Variants in PABPC4L observed in about 807,000 individuals in gnomAD.
PABPC4L encodes the protein polyadenylate-binding protein 4-like.
For missense variants in PABPC4L, 452 were observed against 451.4 expected (o/e 1.00, Z -0.01); for synonymous variants, 169 against 164.1 (o/e 1.03, Z -0.23).
At chr4:134,067,434 C>G in the PABPC4L span, among the ~76,000 whole-genome samples, 2 of 152,108 alleles carry the variant, frequency 1.3e-5, no homozygotes, top group Non-Finnish European at 2.9e-5. Flanking sequence ...CTTTATTAGA[C>G]TAGCTAATGG....
At chr4:133,988,132 A>T in the PABPC4L span, among the ~76,000 whole-genome samples, 1 of 152,148 alleles carries the variant, frequency 6.6e-6, no homozygotes, top group Non-Finnish European at 1.5e-5. Flanking sequence ...TGGTAACTAC[A>T]CAATTCAAGA....
chr4:134,004,051 T>G, the PABPC4L span, among the ~76,000 whole-genome samples: 1 of 151,862 alleles, frequency 6.6e-6, no homozygotes, highest in African/African-American at 2.4e-5. Context: ...GCCAAAAACA[T>G]AAGGAGAAAC....
At position 134,200,233 on chromosome 4, in the gene PABPC4L, C is replaced by G. The variant is rs1285337946; in HGVS notation, c.787G>C (p.Gly263Arg). ...RDINGQLIFV[G>R]RAQKKVERQA... The stretch of plus-strand genomic sequence containing the variant: ...CGCTCGACTTTCTTTTGAGCCCGGC[C>G]TACAAAAATCAGCTGCCCATTTATG... Residue 263 changes from glycine (G) to arginine (R), a missense_variant, in exon 2 of 2, where the codon GGC (glycine) becomes CGC (arginine). Gly to Arg is a moderately radical substitution (Grantham distance 125). Transcript: ENST00000421491. The G allele has an allele frequency of 1.9e-6, 3 of 1,552,390 alleles. No homozygotes were observed. The highest frequency in any genetic ancestry group is 2.4e-5 in the East Asian group (1 of 40,948).
downstream of PABPC4L, among the ~76,000 whole-genome samples, chr4:134,191,891 A>G (rs1277473151): frequency 1.3e-5 from 2 of 152,110 alleles, no homozygotes; most frequent in African/African-American, 2.4e-5. Flanking sequence ...GGAATGGTAA[A>G]GATTACATCA....
the PABPC4L span, among the ~76,000 whole-genome samples, chr4:134,131,714 C>CAAAAAA: frequency 4.1e-3 from 44 of 10,676 alleles, 16 homozygotes; most frequent in African/African-American, 0.015. Flanking sequence ...CCTGTGAAAC[C>CAAAAAA]AAAAAAAAAA....
At position 134,196,781 on chromosome 4, in the gene PABPC4L, C is replaced by G. The variant is rs1729671959; in HGVS notation, c.*3126G>C. The G allele has an allele frequency of 6.7e-6, 1 of 149,708 alleles. No individual in the cohort carries two copies. Among genetic ancestry groups the G allele is most frequent in the African/African-American group, 2.5e-5 (1 of 40,802 alleles). The allele number at this position is 149,708 out of a possible 1,614,324, so 9.3% of individuals were successfully genotyped here. On this transcript the variant is annotated 3_prime_UTR_variant, in exon 2 of 2. Transcript: ENST00000421491. ...TGAACAAAATTTAAATAAATTAAATCCATAGGATTGTATATTTTTGTAAAC... is the reference window on the plus strand; with the variant it reads ...TGAACAAAATTTAAATAAATTAAATGCATAGGATTGTATATTTTTGTAAAC...
the PABPC4L span, among the ~76,000 whole-genome samples, chr4:134,120,355 A>C: frequency 1.4e-5 from 2 of 147,002 alleles, no homozygotes; most frequent in Admixed American, 1.4e-4. Flanking sequence ...ATAGGCTATT[A>C]TTGATAATTA....
At chr4:134,142,011 A>G in the PABPC4L span, among the ~76,000 whole-genome samples, 2 of 151,750 alleles carry the variant, frequency 1.3e-5, no homozygotes, top group Non-Finnish European at 3.0e-5. Context: ...AAGATACACA[A>G]TATGGATTGA....
chr4:134,082,805 G>GA, the PABPC4L span, among the ~76,000 whole-genome samples: 13 of 148,848 alleles, frequency 8.7e-5, no homozygotes, highest in South Asian at 4.2e-4. Flanking sequence ...AGATCCTACT[G>GA]AAAAAAAAAA....
At chr4:134,041,898 A>ATTTTTGTTG in the PABPC4L span, among the ~76,000 whole-genome samples, 1 of 152,146 alleles carries the variant, frequency 6.6e-6, no homozygotes, top group Admixed American at 6.6e-5. Flanking sequence ...TAGATCTACC[A>ATTTTTGTTG]TTTGATCCAG....
At chr4:134,168,759 T>C in the PABPC4L span, among the ~76,000 whole-genome samples, 1 of 151,814 alleles carries the variant, frequency 6.6e-6, no homozygotes, top group Non-Finnish European at 1.5e-5. Context: ...ACAAACAAGA[T>C]AGAACCAATA....
the PABPC4L span, among the ~76,000 whole-genome samples, chr4:133,997,953 C>A: frequency 2.6e-5 from 4 of 151,642 alleles, no homozygotes; most frequent in Non-Finnish European, 1.5e-5. Context: ...TCAGCAATAT[C>A]TTCTCATTTC....
the PABPC4L span, among the ~76,000 whole-genome samples, chr4:134,136,184 T>C: frequency 5.3e-5 from 8 of 152,242 alleles, no homozygotes; most frequent in Middle Eastern, 3.4e-3. Context: ...TTTATCTGAA[T>C]AGATGTAGTG....
At chr4:134,010,935 A>G in the PABPC4L span, among the ~76,000 whole-genome samples, 23 of 152,156 alleles carry the variant, frequency 1.5e-4, no homozygotes, top group Admixed American at 5.9e-4. Context: ...TACATAACAC[A>G]TATAGCAAGT....
At chr4:134,066,446 GA>G in the PABPC4L span, among the ~76,000 whole-genome samples, 1 of 152,108 alleles carries the variant, frequency 6.6e-6, no homozygotes, top group Non-Finnish European at 1.5e-5. Context: ...CTTTTGGGCA[GA>G]CTATTCGGTG....
At chr4:134,137,725 G>T in the PABPC4L span, among the ~76,000 whole-genome samples, 7 of 151,734 alleles carry the variant, frequency 4.6e-5, no homozygotes, top group African/African-American at 1.5e-4. Context: ...TCTCTGAACT[G>T]TATGTTCGTA....
chr4:134,054,272 A>G, the PABPC4L span, among the ~76,000 whole-genome samples: 1 of 143,578 alleles, frequency 7.0e-6, no homozygotes, highest in African/African-American at 2.5e-5. Flanking sequence ...ATATATATAT[A>G]TATATATATA....
chr4:134,044,626 T>C, the PABPC4L span, among the ~76,000 whole-genome samples: 1 of 152,176 alleles, frequency 6.6e-6, no homozygotes, highest in Non-Finnish European at 1.5e-5. Flanking sequence ...ATGTTCTTTC[T>C]CTGATTATAC....
At chr4:134,172,382 TC>T in the PABPC4L span, among the ~76,000 whole-genome samples, 1 of 152,234 alleles carries the variant, frequency 6.6e-6, no homozygotes, top group African/African-American at 2.4e-5. Flanking sequence ...AAACATGTGA[TC>T]TTTGACAAAG....
Sources: allele counts gnomAD v4.1 joint callset (sites outside exome capture counted in the v4.1 genomes callset), GRCh38; gene constraint gnomAD v4.1.1; transcripts MANE v1.5; gene names NCBI Gene and HGNC (gene_info 2026-07-23, HGNC 2026-07-21).